MTOR: variants seen among roughly 807,000 people sequenced by gnomAD.
MTOR encodes the protein serine/threonine-protein kinase mTOR.
MTOR carries 70 observed loss-of-function variants against 319.8 expected under a neutral mutation model. The observed-to-expected ratio is 0.22, with a 90% CI of 0.18 to 0.27. The LOEUF is 0.27. MTOR is among the 10% of genes least tolerant of loss of function. MTOR has a pLI of 1.00. For synonymous variants in MTOR, 1,183 were observed against 1,211.4 expected, an observed-to-expected ratio of 0.98 and a Z score of 0.49; for missense variants, 1,890 against 3,274.4, an observed-to-expected ratio of 0.58 and a Z score of 10.32.
At chr1:11,114,214 C>T (rs1321480162) in intron 53 of MTOR, 104 bp downstream of exon 53, 41 of 1,447,150 alleles carry the variant, frequency 2.8e-5, no homozygotes, top group South Asian at 2.6e-4. Context: ...AGGCTGGTCT[C>T]GAACTCCTGG....
At chr1:11,210,547 G>A (rs1646277284) in intron 24 of MTOR, among the ~76,000 whole-genome samples, 1 of 152,190 alleles carries the variant, frequency 6.6e-6, no homozygotes, top group South Asian at 2.1e-4. Flanking sequence ...TGAAAATTGA[G>A]AGAATCAAAT....
intron 6 of MTOR, among the ~76,000 whole-genome samples, chr1:11,252,580 G>A (rs1347339917): frequency 6.6e-6 from 1 of 152,176 alleles, no homozygotes; most frequent in Non-Finnish European, 1.5e-5. Flanking sequence ...GGCTAAACAG[G>A]TAACTTGCCT....
intron 49 of MTOR, among the ~76,000 whole-genome samples, chr1:11,119,496 G>A (rs930975649): frequency 3.3e-5 from 5 of 150,728 alleles, no homozygotes; most frequent in African/African-American, 4.9e-5. Flanking sequence ...GTGTGAACCC[G>A]GGAGGCGGAG....
chr1:11,110,361 C>T (rs1052843660), intron 54 of MTOR, among the ~76,000 whole-genome samples: 5 of 152,088 alleles, frequency 3.3e-5, no homozygotes, highest in African/African-American at 1.2e-4. Context: ...TGAATGCTGT[C>T]CTTGTACATC....
At chr1:11,222,699 C>T (rs1160228419) in intron 19 of MTOR, among the ~76,000 whole-genome samples, 1 of 151,934 alleles carries the variant, frequency 6.6e-6, no homozygotes, top group African/African-American at 2.4e-5. Flanking sequence ...TAGAAAATCA[C>T]CATTTTGGGG....
In MTOR at chr1:11,144,794, C is replaced by T. The variant is rs757882608; in HGVS notation, c.4765-39G>A. The T allele has an allele frequency of 1.1e-5, 18 of 1,583,952 alleles. No individual in the cohort carries two copies. The Admixed American group carries it at 1.3e-4, about 12-fold the overall frequency. On this transcript the variant is annotated intron_variant, in intron 33 of 57. Coordinates refer to ENST00000361445, the MANE Select transcript of MTOR (RefSeq NM_004958.4). ...ATCGCATTCCAAACTAATTACTGCA[C>T]GAACAATCCAAAAGACAGGATTAAT...
intron 30 of MTOR, among the ~76,000 whole-genome samples, chr1:11,156,753 G>A (rs1644331099): frequency 6.6e-6 from 1 of 152,092 alleles, no homozygotes; most frequent in Admixed American, 6.5e-5. Context: ...ATCCGATATA[G>A]GTGAAGCACC....
At chr1:11,135,825 T>C (rs1643386284) in intron 36 of MTOR, among the ~76,000 whole-genome samples, 1 of 146,514 alleles carries the variant, frequency 6.8e-6, no homozygotes, top group Admixed American at 6.8e-5. Flanking sequence ...AGAGTGAGAC[T>C]GTCTCAAAAA....
chr1:11,173,714 T>C (rs1351123520), intron 28 of MTOR, among the ~76,000 whole-genome samples: 3 of 152,202 alleles, frequency 2.0e-5, no homozygotes, highest in Non-Finnish European at 2.9e-5. Context: ...TAAGCTACAT[T>C]TCTCTTATTT....
chr1:11,238,740 C>A (rs1647542749), intron 11 of MTOR, 123 bp from the exon 12 acceptor site: 3 of 722,588 alleles, frequency 4.2e-6, no homozygotes, highest in South Asian at 1.9e-5. Flanking sequence ...AGATATTGAT[C>A]AATACGATAC....
intron 29 of MTOR, among the ~76,000 whole-genome samples, chr1:11,161,505 C>T (rs1306017794): frequency 2.0e-5 from 3 of 152,174 alleles, no homozygotes; most frequent in Non-Finnish European, 4.4e-5. Context: ...GTCTCTGACC[C>T]CCCAGTAGCC....
chr1:11,113,251 A>C (rs1002146204), intron 53 of MTOR, among the ~76,000 whole-genome samples: 2 of 152,262 alleles, frequency 1.3e-5, no homozygotes, highest in African/African-American at 4.8e-5. Context: ...CTGCTGTCCC[A>C]AATCATAACT....
rs1335034312 is a variant in MTOR, at chr1:11,107,040, C to T, written c.*445G>A. On this transcript the variant is annotated 3_prime_UTR_variant, in exon 58 of 58. Transcript: ENST00000361445. ...GAGGTCAGCATCTTCTGTGTCTTTACAGTCTAGGATCCTAATCCATGTTCT... is the reference window on the plus strand; with the variant it reads ...GAGGTCAGCATCTTCTGTGTCTTTATAGTCTAGGATCCTAATCCATGTTCT... The T allele has an allele frequency of 2.2e-6, 3 of 1,371,454 alleles. No individual in the cohort carries two copies. Among genetic ancestry groups the T allele is most frequent in the Non-Finnish European group, 2.9e-6 (3 of 1,039,386 alleles). 85.0% of individuals were successfully genotyped at this position (1,371,454 alleles called of 1,614,324 possible). A position where few individuals can be genotyped will look rare whatever the true frequency, so the allele number is the denominator to read the frequency against.
At chr1:11,167,866 A>G (rs1644695218) in intron 28 of MTOR, among the ~76,000 whole-genome samples, 2 of 152,190 alleles carry the variant, frequency 1.3e-5, no homozygotes, top group Non-Finnish European at 2.9e-5. Flanking sequence ...TCAGGAGATC[A>G]AGACCATCCT....
chr1:11,197,279 C>A (rs1371044592), intron 28 of MTOR, among the ~76,000 whole-genome samples: 2 of 152,184 alleles, frequency 1.3e-5, no homozygotes, highest in African/African-American at 4.8e-5. Context: ...AGGGGTAGTG[C>A]TATGAGCAAC....
At chr1:11,216,041 A>T in intron 20 of MTOR, 107 bp downstream of exon 20, 3 of 731,048 alleles carry the variant, frequency 4.1e-6, no homozygotes, top group Non-Finnish European at 6.9e-6. Context: ...CTAAGACTGT[A>T]ACAGCTCTAC....
At chr1:11,255,970 G>A (rs1650352400) in intron 5 of MTOR, 22 bp downstream of exon 5, 4 of 1,603,040 alleles carry the variant, frequency 2.5e-6, no homozygotes, top group Non-Finnish European at 2.6e-6. Context: ...TGCTAGTGGT[G>A]GGAATGGAGC....
chr1:11,129,624 C>T lies in MTOR; in HGVS notation c.5714+114G>A, dbSNP rs372499076. 2.4e-5 allele frequency: 21 copies of T among 886,230 alleles called. No individual in the cohort carries two copies. The highest frequency in any genetic ancestry group is 5.3e-5 in the East Asian group (2 of 37,556). The allele number at this position is 886,230 out of a possible 1,614,324, so 54.9% of individuals were successfully genotyped here. A position where few individuals can be genotyped will look rare whatever the true frequency, so the allele number is the denominator to read the frequency against. On this transcript the variant is annotated intron_variant, in intron 40 of 57. Transcript: ENST00000361445. The surrounding 1 kb of genome is among the most constrained non-coding windows in gnomAD (Gnocchi z 4.7). ...CAGTGCAGAAAAAAGGCACATACATCGATCTTGGGTGTCCTGATCAGGGTC... is the reference window on the plus strand; with the variant it reads ...CAGTGCAGAAAAAAGGCACATACATTGATCTTGGGTGTCCTGATCAGGGTC...
At chr1:11,194,144 A>G (rs1029204117) in intron 28 of MTOR, among the ~76,000 whole-genome samples, 1 of 152,188 alleles carries the variant, frequency 6.6e-6, no homozygotes, top group African/African-American at 2.4e-5. Context: ...AGCACTCACT[A>G]TATCCTCATG....
Sources: allele counts gnomAD v4.1 joint callset (sites outside exome capture counted in the v4.1 genomes callset), GRCh38; gene constraint gnomAD v4.1.1; non-coding constraint Gnocchi (gnomAD v3.1); transcripts MANE v1.5; gene names NCBI Gene and HGNC (gene_info 2026-07-23, HGNC 2026-07-21).